Variants in TANC2 observed in about 807,000 individuals in gnomAD.
TANC2 encodes protein TANC2.
TANC2 carries 26 observed loss-of-function variants against 210.5 expected under a neutral mutation model. That is an observed-to-expected ratio of 0.12 (90% CI 0.09 to 0.17). The LOEUF (loss-of-function observed/expected upper bound fraction) is 0.17, where lower values mean the gene tolerates loss of function less well. Among genes scored for constraint, TANC2 ranks in the 10% least tolerant of loss-of-function variants. The probability of loss-of-function intolerance (pLI) is 1.00; values close to 1 mark genes in which losing one functional copy is unlikely to be tolerated. For synonymous variants in TANC2, 931 were observed against 967.1 expected (o/e 0.96, Z 0.69); for missense variants, 2,129 against 2,608.9 (o/e 0.82, Z 4.01).
chr17:63,336,297 A>T (rs1175685138), intron 11 of TANC2, among the ~76,000 whole-genome samples: 1 of 152,264 alleles, frequency 6.6e-6, no homozygotes, highest in Admixed American at 6.5e-5. Flanking sequence ...AATGCCAGTC[A>T]GTATGGAAAT....
intron 3 of TANC2, among the ~76,000 whole-genome samples, chr17:63,085,304 T>C (rs1598374458): frequency 6.6e-6 from 1 of 152,284 alleles, no homozygotes; most frequent in East Asian, 1.9e-4. Flanking sequence ...ATTTAGATTA[T>C]TGACCTTTGA....
In TANC2 at chr17:63,420,496, C is replaced by T. The variant is rs571360967; in HGVS notation, c.4766C>T (p.Thr1589Ile). 8 of 1,614,018 alleles carry T rather than the reference C, an allele frequency of 5.0e-6. No individual in the cohort carries two copies. In the South Asian group the frequency reaches 7.7e-5, roughly 16 times the overall value. ...CATTACAGGCCTAGCCCACCACACA[C>T]TTCCCCGGCTCATCAGGGAGGATCT... The change falls in exon 28 of 28, where the codon ACT becomes ATT. Residue 1589 changes from threonine to isoleucine, a missense_variant. By Grantham distance (89) the Thr-to-Ile change is moderately conservative. Coordinates refer to ENST00000689528, the Ensembl canonical transcript of TANC2. The surrounding 1 kb of genome is among the most constrained non-coding windows in gnomAD (Gnocchi z 4.2).
chr17:63,337,267 C>T (rs2046063138), intron 11 of TANC2, among the ~76,000 whole-genome samples: 1 of 152,006 alleles, frequency 6.6e-6, no homozygotes. Context: ...ACAGAAGGTG[C>T]AACTTTATTT....
intron 12 of TANC2, among the ~76,000 whole-genome samples, chr17:63,344,089 G>A (rs1489919131): frequency 3.3e-5 from 5 of 152,162 alleles, no homozygotes; most frequent in African/African-American, 1.2e-4. Context: ...GGAGGTGAGC[G>A]ACGGCTACCG....
At position 63,421,138 on chromosome 17, in the gene TANC2, G is replaced by A. The variant is rs961824372; in HGVS notation, c.5408G>A (p.Arg1803His). ...TACAGCCAGACACCACAGATCGGAC[G>A]CAGCCAGTCAGCATCCTATTACCCA... Residue 1803 changes from arginine (R) to histidine (H), a missense_variant, in exon 28 of 28, where the codon CGC (arginine) becomes CAC (histidine). Coordinates refer to ENST00000689528, the Ensembl canonical transcript of TANC2. The surrounding 1 kb of genome is among the most constrained non-coding windows in gnomAD (Gnocchi z 6.9). 3.7e-6 allele frequency: 6 copies of A among 1,613,850 alleles called. No individual in the cohort carries two copies. The highest frequency in any genetic ancestry group is 1.3e-5 in the African/African-American group (1 of 74,896).
At chr17:63,150,265 A>G (rs1025752178) in intron 4 of TANC2, 1 of 152,170 alleles carries the variant, frequency 6.6e-6, no homozygotes, top group African/African-American at 2.4e-5. Flanking sequence ...AATCAATTTC[A>G]GATTCAACTA....
At chr17:63,146,126 A>G (rs918074773) in intron 4 of TANC2, among the ~76,000 whole-genome samples, 4 of 152,030 alleles carry the variant, frequency 2.6e-5, no homozygotes, top group Non-Finnish European at 4.4e-5. Context: ...TGTTTCCTTG[A>G]TTAAGTTTAT....
At chr17:63,299,034 G>A (rs1255555061) in intron 9 of TANC2, among the ~76,000 whole-genome samples, 1 of 152,050 alleles carries the variant, frequency 6.6e-6, no homozygotes, top group African/African-American at 2.4e-5. Context: ...TTGGTTTTCT[G>A]TTCCTGTGTT....
chr17:63,123,315 T>G (rs1396887774), intron 4 of TANC2, among the ~76,000 whole-genome samples: 4 of 152,062 alleles, frequency 2.6e-5, no homozygotes, highest in Non-Finnish European at 5.9e-5. Context: ...CCCAGCACTT[T>G]GGGAGGCTGA....
intron 6 of TANC2, among the ~76,000 whole-genome samples, chr17:63,199,202 A>G (rs1162243326): frequency 6.6e-6 from 1 of 152,224 alleles, no homozygotes; most frequent in Non-Finnish European, 1.5e-5. Flanking sequence ...CAGAAAGAGT[A>G]TGAATAGAGA....
At chr17:63,334,542 G>A (rs59696885) in intron 11 of TANC2, among the ~76,000 whole-genome samples, 3,206 of 152,164 alleles carry the variant, frequency 0.021, 103 homozygotes, top group African/African-American at 0.072. Context: ...ACAAAGAGGG[G>A]AATAGAAAAT....
intron 7 of TANC2, among the ~76,000 whole-genome samples, chr17:63,223,121 G>C (rs2042238929): frequency 6.6e-6 from 1 of 152,174 alleles, no homozygotes; most frequent in Non-Finnish European, 1.5e-5. Flanking sequence ...GTTGATTTGA[G>C]GGGGTGGGCA....
chr17:63,322,261 G>A (rs1332614763), intron 11 of TANC2, among the ~76,000 whole-genome samples: 1 of 152,164 alleles, frequency 6.6e-6, no homozygotes, highest in Non-Finnish European at 1.5e-5. Context: ...CACTTTGGGA[G>A]GCCGAGGCGG....
chr17:63,139,910 G>A (rs1016309032), intron 4 of TANC2, among the ~76,000 whole-genome samples: 10 of 152,110 alleles, frequency 6.6e-5, no homozygotes, highest in Non-Finnish European at 1.5e-4. Flanking sequence ...TCTCAAGAAA[G>A]AAAGAAATAC....
exon 11 of TANC2, chr17:63,319,042 G>A (rs748649818): frequency 8.7e-6 from 14 of 1,613,598 alleles, no homozygotes; most frequent in African/African-American, 4.0e-5. Context: ...CAGGAACTCC[G>A]GAAATGCGCA....
chr17:63,013,166 G>A (rs2033948621), intron 2 of TANC2, among the ~76,000 whole-genome samples: 1 of 151,568 alleles, frequency 6.6e-6, no homozygotes, highest in Non-Finnish European at 1.5e-5. Flanking sequence ...TTAGACTCCC[G>A]GACTCAGGTG....
intron 2 of TANC2, among the ~76,000 whole-genome samples, chr17:63,013,213 C>A (rs1202699375): frequency 6.6e-6 from 1 of 152,052 alleles, no homozygotes; most frequent in Admixed American, 6.6e-5. Context: ...GCTGGGCCTA[C>A]AAGTGGATGC....
intron 2 of TANC2, among the ~76,000 whole-genome samples, chr17:63,042,381 G>A (rs1224402347): frequency 1.3e-5 from 2 of 152,078 alleles, no homozygotes; most frequent in Non-Finnish European, 2.9e-5. Context: ...TCTGTTCTGT[G>A]CTTATTTTCT....
chr17:63,216,980 T>C (rs2042043236), intron 7 of TANC2, among the ~76,000 whole-genome samples: 1 of 152,114 alleles, frequency 6.6e-6, no homozygotes, highest in African/African-American at 2.4e-5. Context: ...TAAATAATGC[T>C]CCAGTCAAAA....
Sources: allele counts gnomAD v4.1 joint callset (sites outside exome capture counted in the v4.1 genomes callset), GRCh38; gene constraint gnomAD v4.1.1; non-coding constraint Gnocchi (gnomAD v3.1); transcripts MANE v1.5; gene names NCBI Gene and HGNC (gene_info 2026-07-23, HGNC 2026-07-21).